Variants in S100A5 observed in about 807,000 individuals in gnomAD.
The protein encoded by S100A5 is protein S100-A5.
A neutral mutation model predicts 6.7 loss-of-function variants in S100A5; 5 were observed. The ratio of observed to expected loss-of-function variants is 0.75; its 90% confidence interval spans 0.39 to 1.57. The LOEUF (loss-of-function observed/expected upper bound fraction) is 1.57, where lower values mean the gene tolerates loss of function less well. Ranked by LOEUF, S100A5 falls within the 40% of genes most tolerant of loss-of-function variation. The probability of loss-of-function intolerance (pLI) is 0.03; values close to 1 mark genes in which losing one functional copy is unlikely to be tolerated. For synonymous variants in S100A5, 49 were observed against 44.9 expected, an observed-to-expected ratio of 1.09 and a Z score of -0.37; for missense variants, 129 against 110.8, an observed-to-expected ratio of 1.16 and a Z score of -0.74.
chr1:153,541,606 G>T, upstream of S100A5: 1 of 1,203,670 alleles, frequency 8.3e-7, no homozygotes. Context: ...ACAAACAAGG[G>T]CTGGGGACAC....
chr1:153,541,286 A>C, upstream of S100A5: 1 of 975,124 alleles, frequency 1.0e-6, no homozygotes, highest in Non-Finnish European at 1.5e-6. Flanking sequence ...TTGTGGGGCC[A>C]GGCCTCCTTG....
upstream of S100A5, among the ~76,000 whole-genome samples, chr1:153,542,421 C>T (rs779733978): frequency 1.3e-5 from 2 of 152,164 alleles, no homozygotes; most frequent in African/African-American, 4.8e-5. Context: ...CCAGGGAGGG[C>T]GCTCCCAGGG....
chr1:153,541,707 C>A, upstream of S100A5: 1 of 1,147,036 alleles, frequency 8.7e-7, no homozygotes, highest in South Asian at 1.8e-5. Flanking sequence ...TCTGATGGAA[C>A]AATAAGCCGA....
At chr1:153,543,206 G>C (rs1665445581), upstream of S100A5, 11 of 985,100 alleles carry the variant, frequency 1.1e-5, no homozygotes, top group Non-Finnish European at 1.3e-5. Context: ...CTTCCTCCCT[G>C]CAACTCAGCC....
chr1:153,543,201 T>C, upstream of S100A5: 1 of 985,058 alleles, frequency 1.0e-6, no homozygotes, highest in Non-Finnish European at 1.2e-6. Flanking sequence ...AAATACTTCC[T>C]CCCTGCAACT....
At chr1:153,541,352 A>G, upstream of S100A5, 1 of 1,357,320 alleles carries the variant, frequency 7.4e-7, no homozygotes. Flanking sequence ...ACCAGATATC[A>G]GATGAACAGA....
chr1:153,537,228 G>C lies in S100A5; in HGVS notation c.*68C>G, dbSNP rs957963333. 20 of 1,563,592 alleles carry C rather than the reference G, an allele frequency of 1.3e-5. No individual in the cohort carries two copies. In the Admixed American group the frequency reaches 2.1e-4, roughly 16 times the overall value. On this transcript the variant is annotated 3_prime_UTR_variant, in exon 3 of 3. Transcript: ENST00000368717. ...GGAGAGGAGGGCAGGGGGCCAAAGA[G>C]GGTCTGTGAGAGGAGCAGCCGAGGT...
chr1:153,541,500 A>G (rs373217681), upstream of S100A5: 52 of 1,359,876 alleles, frequency 3.8e-5, no homozygotes, highest in Non-Finnish European at 4.5e-5. Flanking sequence ...GAAAGGGCCC[A>G]TGAGAAGTTG....
At chr1:153,537,507 G>C in intron 2 of S100A5, 71 bp from the exon 3 acceptor site, 1 of 1,575,558 alleles carries the variant, frequency 6.3e-7, no homozygotes, top group Non-Finnish European at 8.7e-7. Context: ...ACTGCATGGT[G>C]TCATCCCCAC....
At chr1:153,541,322 C>A, upstream of S100A5, 1 of 1,302,342 alleles carries the variant, frequency 7.7e-7, no homozygotes, top group Non-Finnish European at 1.0e-6. Context: ...ACTTGTCACC[C>A]TCATCATCCA....
intron 2 of S100A5, among the ~76,000 whole-genome samples, chr1:153,539,496 C>A (rs1450351612): frequency 7.9e-6 from 1 of 127,164 alleles, no homozygotes; most frequent in Non-Finnish European, 1.6e-5. Flanking sequence ...TATTTATCCT[C>A]GGGGATATTG....
At chr1:153,541,273 C>T (rs535681438), upstream of S100A5, 4 of 837,158 alleles carry the variant, frequency 4.8e-6, no homozygotes, top group South Asian at 2.6e-5. Flanking sequence ...AGCGCATGCC[C>T]GCTTGTGGGG....
In S100A5 at chr1:153,540,114, T is replaced by G; in HGVS notation, c.78A>C (p.Lys26Asn). 6.2e-7 allele frequency: 1 copy of G among 1,614,166 alleles called. No homozygotes were observed. The highest frequency in any genetic ancestry group is 1.1e-5 in the South Asian group (1 of 91,088). ...FHKYSGREGSKLTLSRKELKE... is the reference protein window; with the variant it reads ...FHKYSGREGSNLTLSRKELKE... ...TGAGTTCCTTCCTACTCAGGGTCAG[T>G]TTGCTACCCTCTCTCCCCGAATATT... is the stretch of plus-strand genomic sequence containing the variant. Residue 26 changes from lysine (K) to asparagine (N), a missense_variant, in exon 2 of 3, where the codon AAA (lysine) becomes AAC (asparagine). Physicochemically the swap from Lys to Asn is moderately conservative, Grantham distance 94 (BLOSUM62 0). Coordinates refer to ENST00000368717, the MANE Select transcript of S100A5 (RefSeq NM_001394232.1).
chr1:153,538,520 C>T (rs1217988553), intron 2 of S100A5, among the ~76,000 whole-genome samples: 1 of 152,118 alleles, frequency 6.6e-6, no homozygotes, highest in Non-Finnish European at 1.5e-5. Flanking sequence ...TTAATCCCTG[C>T]TGGACCTGTG....
chr1:153,541,455 TTCCCTGATCTCTG>T (rs776849529), upstream of S100A5: 21 of 1,367,624 alleles, frequency 1.5e-5, no homozygotes, highest in Non-Finnish European at 2.0e-5. Flanking sequence ...CTGCCTTTAT[TTCCCTGATCTCTG>T]TCCCTAGGAA....
chr1:153,537,344 G>A lies in S100A5; in HGVS notation c.231C>T (p.Thr77=). Residue 77 remains threonine (T), a synonymous_variant, in exon 3 of 3, where the codon ACC becomes ACT. Coordinates refer to ENST00000368717, the MANE Select transcript of S100A5 (RefSeq NM_001394232.1). ...AGTCGTTGTAGGCCATGCACAGCAT[G>A]GTCAGGAACACCGAGTACTCCTTGA... is the stretch of plus-strand genomic sequence containing the variant. The part of the protein sequence containing the change: ...IDFKEYSVFL[T]MLCMAYNDFF... The A allele has an allele frequency of 6.2e-7, 1 of 1,614,154 alleles. No homozygotes were observed. Among genetic ancestry groups the A allele is most frequent in the Non-Finnish European group, 8.5e-7 (1 of 1,180,016 alleles).
At chr1:153,541,338 A>T (rs781318579), upstream of S100A5, 5 of 1,339,872 alleles carry the variant, frequency 3.7e-6, no homozygotes, top group Non-Finnish European at 5.0e-6. Context: ...ATCCAGCGTG[A>T]CCCACCAGAT....
chr1:153,537,874 C>G (rs1223001531), intron 2 of S100A5, among the ~76,000 whole-genome samples: 1 of 152,076 alleles, frequency 6.6e-6, no homozygotes, highest in Admixed American at 6.5e-5. Flanking sequence ...ATGGTGAAAC[C>G]CTGTCTCTAC....
rs1665207434 is a variant in S100A5, at chr1:153,537,212, G to T, written c.*84C>A. ...AGGGTCCATCTGGGAGGGAGAGGAG[G>T]GCAGGGGGCCAAAGAGGGTCTGTGA... is the stretch of plus-strand genomic sequence containing the variant. On this transcript the variant is annotated 3_prime_UTR_variant, in exon 3 of 3. Transcript: ENST00000368717. The T allele has an allele frequency of 6.7e-7, 1 of 1,483,530 alleles. No homozygotes were observed. Among genetic ancestry groups the T allele is most frequent in the South Asian group, 1.2e-5 (1 of 82,660 alleles). 91.9% of individuals were successfully genotyped at this position (1,483,530 alleles called of 1,614,324 possible). A position where few individuals can be genotyped will look rare whatever the true frequency, so the allele number is the denominator to read the frequency against.
Sources: allele counts gnomAD v4.1 joint callset (sites outside exome capture counted in the v4.1 genomes callset), GRCh38; gene constraint gnomAD v4.1.1; transcripts MANE v1.5; gene names NCBI Gene and HGNC (gene_info 2026-07-23, HGNC 2026-07-21).